The following CRIPT variants were observed in gnomAD, a reference collection of about 807,000 sequenced individuals.
CRIPT encodes the protein CXXC repeat containing interactor of PDZ3 domain.
CRIPT carries 20 observed loss-of-function variants against 16.6 expected under a neutral mutation model. The ratio of observed to expected loss-of-function variants is 1.20; its 90% CI spans 0.85 to 1.75. The LOEUF is 1.75. Among genes scored for constraint, CRIPT ranks in the 40% most tolerant of loss-of-function variants. The pLI is 0.00. For missense variants in CRIPT, 133 were observed against 115.3 expected (o/e 1.15, Z -0.70); for synonymous variants, 42 against 37.0 (o/e 1.14, Z -0.49).
chr2:46,617,693 G>A (rs1185382951), intron 1 of CRIPT, among the ~76,000 whole-genome samples: 1 of 152,118 alleles, frequency 6.6e-6, no homozygotes, highest in Non-Finnish European at 1.5e-5. Flanking sequence ...CAAAGACTAA[G>A]GACTTTGCCT....
rs1242905913 is a variant in CRIPT at position 46,629,607 on chromosome 2, T to C, written c.*5380T>C. On this transcript the variant is annotated 3_prime_UTR_variant, in exon 5 of 5. Transcript: ENST00000238892. ...GAGTATCCTTCTATTTGGGTTTTTC[T>C]GATGTTTCCTCATGGTTAGATTGGG... 6.6e-6 allele frequency among the ~76,000 whole-genome samples: 1 copy of C among 152,220 alleles called. No homozygotes were observed. The highest frequency in any genetic ancestry group is 1.5e-5 in the Non-Finnish European group (1 of 68,026).
chr2:46,618,859 T>C (rs778110670), intron 2 of CRIPT, 21 bp downstream of exon 2: 5 of 1,490,052 alleles, frequency 3.4e-6, no homozygotes, highest in African/African-American at 1.4e-5. Flanking sequence ...TTTTAGAAAA[T>C]AGGAATTTAA....
At chr2:46,620,779 C>G (rs562580401) in intron 3 of CRIPT, among the ~76,000 whole-genome samples, 11 of 150,608 alleles carry the variant, frequency 7.3e-5, no homozygotes, top group African/African-American at 2.7e-4. Context: ...GGCCTGACTT[C>G]TCTGAGCTCT....
In CRIPT at chr2:46,629,305, T is replaced by C. The variant is rs1439094914; in HGVS notation, c.*5078T>C. Among the ~76,000 whole-genome samples, 2 of 152,218 alleles carry C rather than the reference T, an allele frequency of 1.3e-5. No individual in the cohort carries two copies. Among genetic ancestry groups the C allele is most frequent in the African/African-American group, 4.8e-5 (2 of 41,458 alleles). ...AAAGTATATTGTAGACATCATACTC[T>C]TTACCCTTTAACACTACACATGCAC... is the stretch of plus-strand genomic sequence containing the variant. On this transcript the variant is annotated 3_prime_UTR_variant, in exon 5 of 5. Coordinates refer to ENST00000238892, the MANE Select transcript of CRIPT (RefSeq NM_014171.6).
intron 3 of CRIPT, 121 bp downstream of exon 3, chr2:46,619,802 C>A: frequency 1.5e-6 from 1 of 668,866 alleles, no homozygotes; most frequent in Non-Finnish European, 2.6e-6. Context: ...TGGTTCCTAG[C>A]ACTCAGAACC....
In CRIPT at chr2:46,625,255, G is replaced by T. The variant is rs191247500; in HGVS notation, c.*1028G>T. 21 of 151,372 alleles carry T rather than the reference G, an allele frequency of 1.4e-4. No homozygotes were observed. Among genetic ancestry groups the T allele is most frequent in the African/African-American group, 5.1e-4 (21 of 41,288 alleles). 9.4% of individuals were successfully genotyped at this position (151,372 alleles called of 1,614,324 possible). On this transcript the variant is annotated 3_prime_UTR_variant, in exon 5 of 5. Coordinates refer to ENST00000238892, the MANE Select transcript of CRIPT (RefSeq NM_014171.6). Reference sequence around the variant, plus strand: ...GCTCAGCTAGTTTTTATTTTTAGTAGAGATGAGGACTCACTATGTTGCCCA... The same window carrying T: ...GCTCAGCTAGTTTTTATTTTTAGTATAGATGAGGACTCACTATGTTGCCCA...
In CRIPT at chr2:46,629,791, C is replaced by T. The variant is rs983096755; in HGVS notation, c.*5564C>T. On this transcript the variant is annotated 3_prime_UTR_variant, in exon 5 of 5. Transcript: ENST00000238892. ...TGTATCGTTATTGTTTTTCCTTTTGCAATTAGTGGGTAATTTGTGAGGAGA... is the reference window on the plus strand; with the variant it reads ...TGTATCGTTATTGTTTTTCCTTTTGTAATTAGTGGGTAATTTGTGAGGAGA... Among the ~76,000 whole-genome samples the T allele has an allele frequency of 6.6e-6, 1 of 152,106 alleles. No homozygotes were observed. The highest frequency in any genetic ancestry group is 1.5e-5 in the Non-Finnish European group (1 of 68,016).
chr2:46,620,495 G>T (rs1018513907), intron 3 of CRIPT, among the ~76,000 whole-genome samples: 1 of 151,758 alleles, frequency 6.6e-6, no homozygotes, highest in African/African-American at 2.4e-5. Context: ...TGATTTCTTT[G>T]CTCCCCTTCA....
rs532629608 is a variant in CRIPT, at chr2:46,623,654, T to C, written c.138-110T>C. On this transcript the variant is annotated intron_variant, in intron 3 of 4. Transcript: ENST00000238892. ...GGCTAAACCCATCAATTGTAGAGGT[T>C]GATGGAGGGATGGAGAGCATGGATT... is the stretch of plus-strand genomic sequence containing the variant. The C allele has an allele frequency of 2.6e-5, 16 of 605,814 alleles. No homozygotes were observed. In the Admixed American group the frequency reaches 4.7e-4, roughly 18 times the overall value. The allele number at this position is 605,814 out of a possible 1,614,324, so 37.5% of individuals were successfully genotyped here.
rs1553428773 is a variant in CRIPT, at chr2:46,622,383, A to AAAAG, written c.138-1379_138-1378insAGAA. On this transcript the variant is annotated intron_variant, in intron 3 of 4. Coordinates refer to ENST00000238892, the MANE Select transcript of CRIPT (RefSeq NM_014171.6). ...AGACTCCGTCTCAAAAAAAAAAAAA[A>AAAAG]AAGATTTCCAAGGTTACAATGTGTA... Among the ~76,000 whole-genome samples, 239 of 151,598 alleles carry AAAAG rather than the reference A, an allele frequency of 1.6e-3. 8 individuals are homozygous for AAAAG. In the South Asian group the frequency reaches 0.041, roughly 26 times the overall value.
At position 46,627,637 on chromosome 2, in the gene CRIPT, G is replaced by T. The variant is rs1216153907; in HGVS notation, c.*3410G>T. On this transcript the variant is annotated 3_prime_UTR_variant, in exon 5 of 5. Transcript: ENST00000238892. ...TTTTTCTATTTTTAGTAGGAATGGGGTTTTACCATGTTGGCCAGGCTGGTC... is the reference window on the plus strand; with the variant it reads ...TTTTTCTATTTTTAGTAGGAATGGGTTTTTACCATGTTGGCCAGGCTGGTC... Among the ~76,000 whole-genome samples, 1 of 151,922 alleles carries T rather than the reference G, an allele frequency of 6.6e-6. No individual in the cohort carries two copies. Among genetic ancestry groups the T allele is most frequent in the Non-Finnish European group, 1.5e-5 (1 of 67,986 alleles).
At position 46,617,252 on chromosome 2, in the gene CRIPT, G is replaced by C. The variant is rs369643223; in HGVS notation, c.-31G>C. The C allele has an allele frequency of 6.4e-7, 1 of 1,553,804 alleles. No individual in the cohort carries two copies. Among genetic ancestry groups the C allele is most frequent in the East Asian group, 2.4e-5 (1 of 41,710 alleles). ...TTTTCAGCCTGCTGCTGCTGCTGCTGTTGCGGCTAGGGGAACCGTCGTGGG... is the reference window on the plus strand; with the variant it reads ...TTTTCAGCCTGCTGCTGCTGCTGCTCTTGCGGCTAGGGGAACCGTCGTGGG... On this transcript the variant is annotated 5_prime_UTR_variant, in exon 1 of 5. Transcript: ENST00000238892.
rs1339664700 is a variant in CRIPT, at chr2:46,627,840, T to C, written c.*3613T>C. On this transcript the variant is annotated 3_prime_UTR_variant, in exon 5 of 5. Coordinates refer to ENST00000238892, the MANE Select transcript of CRIPT (RefSeq NM_014171.6). Reference sequence around the variant, plus strand: ...CTTCTGCATATGGCTAGACAGCTGTTCCAGCACCATTTATTGAATTAGGGA... The same window carrying C: ...CTTCTGCATATGGCTAGACAGCTGTCCCAGCACCATTTATTGAATTAGGGA... Among the ~76,000 whole-genome samples, 1 of 152,206 alleles carries C rather than the reference T, an allele frequency of 6.6e-6. No individual in the cohort carries two copies. The highest frequency in any genetic ancestry group is 1.5e-5 in the Non-Finnish European group (1 of 68,044).
chr2:46,623,732 T>C (rs1344545213), intron 3 of CRIPT, 32 bp from the exon 4 acceptor site: 6 of 1,263,072 alleles, frequency 4.8e-6, no homozygotes, highest in Non-Finnish European at 6.9e-6. Flanking sequence ...TAGTGTAATA[T>C]ACAATTTTCT....
chr2:46,629,891 C>T lies in CRIPT; in HGVS notation c.*5664C>T, dbSNP rs893779684. Among the ~76,000 whole-genome samples, 10 of 152,144 alleles carry T rather than the reference C, an allele frequency of 6.6e-5. No individual in the cohort carries two copies. Among genetic ancestry groups the T allele is most frequent in the African/African-American group, 1.9e-4 (8 of 41,432 alleles). ...CTAGGTTTAGCATCCTTTGACGATT[C>T]TTGTCTGAATAAATTTTTACTAGGA... On this transcript the variant is annotated 3_prime_UTR_variant, in exon 5 of 5. Transcript: ENST00000238892.
chr2:46,617,536 C>G (rs1045154996), intron 1 of CRIPT, among the ~76,000 whole-genome samples: 1 of 152,134 alleles, frequency 6.6e-6, no homozygotes, highest in African/African-American at 2.4e-5. Context: ...GTTGCCTTCC[C>G]CCAGCCCCAG....
chr2:46,620,803 G>T (rs1186567048), intron 3 of CRIPT, among the ~76,000 whole-genome samples: 1 of 150,798 alleles, frequency 6.6e-6, no homozygotes, highest in African/African-American at 2.4e-5. Flanking sequence ...CGTATATCTA[G>T]CAGTTTATCT....
rs1043926539 is a variant in CRIPT, at chr2:46,617,353, C to G, written c.16+55C>G. ...AGGAGGCTGGGAGAACCTAACTGAGCTCTCCCGGGAACTTTGCTTTCTCGT... is the reference window on the plus strand; with the variant it reads ...AGGAGGCTGGGAGAACCTAACTGAGGTCTCCCGGGAACTTTGCTTTCTCGT... On this transcript the variant is annotated intron_variant, in intron 1 of 4. Coordinates refer to ENST00000238892, the MANE Select transcript of CRIPT (RefSeq NM_014171.6). 2.6e-6 allele frequency: 4 copies of G among 1,537,614 alleles called. No homozygotes were observed. The African/African-American group carries it at 4.1e-5, about 16-fold the overall frequency.
rs763865311 is a variant in CRIPT at position 46,617,264 on chromosome 2, G to C, written c.-19G>C. ...TGCTGCTGCTGCTGTTGCGGCTAGG[G>C]GAACCGTCGTGGGGAAGGATGGTGT... is the stretch of plus-strand genomic sequence containing the variant. On this transcript the variant is annotated 5_prime_UTR_variant, in exon 1 of 5. Transcript: ENST00000238892. 5 of 1,554,470 alleles carry C rather than the reference G, an allele frequency of 3.2e-6. No individual in the cohort carries two copies. In the South Asian group the frequency reaches 5.9e-5, roughly 18 times the overall value.
Sources: gnomAD v4.1 joint callset for allele counts (sites outside exome capture counted in the v4.1 genomes callset) on GRCh38, gnomAD v4.1.1 for gene constraint, MANE v1.5 for transcripts, NCBI Gene and HGNC (gene_info 2026-07-23, HGNC 2026-07-21) for gene names.